Variants in XKR4 observed in about 807,000 individuals in gnomAD.
The protein encoded by XKR4 is XK related 4.
A neutral mutation model predicts 53.9 loss-of-function variants in XKR4; 12 were observed. The ratio of observed to expected loss-of-function variants is 0.22; its 90% CI spans 0.14 to 0.36. The LOEUF (loss-of-function observed/expected upper bound fraction) is 0.36, where lower values mean the gene tolerates loss of function less well. Ranked by LOEUF, XKR4 falls within the 10% of genes least tolerant of loss-of-function variation. XKR4 has a pLI of 1.00. For missense variants in XKR4, 799 were observed against 859.5 expected (o/e 0.93, Z 0.88); for synonymous variants, 354 against 362.4 (o/e 0.98, Z 0.26).
Position 55,259,876 on chromosome 8 carries a change from C to T in XKR4, c.807-97802C>T, listed in dbSNP as rs1426118939. 2.6e-5 allele frequency among the ~76,000 whole-genome samples: 4 copies of T among 152,196 alleles called. No homozygotes were observed. In the East Asian group the frequency reaches 7.7e-4, roughly 29 times the overall value. On this transcript the variant is annotated intron_variant, in intron 1 of 2. Coordinates refer to ENST00000327381, the MANE Select transcript of XKR4 (RefSeq NM_052898.2). ...TCAAATTCACTGAGACCTGCCCTAG[C>T]CGTCCTATCTAAAATTTCCACACCA...
intron 2 of XKR4, among the ~76,000 whole-genome samples, chr8:55,481,335 C>G (rs1022783115): frequency 4.6e-5 from 7 of 151,976 alleles, no homozygotes; most frequent in African/African-American, 1.7e-4. Context: ...GGAAAACTGG[C>G]TAGCCATATG....
intron 1 of XKR4, among the ~76,000 whole-genome samples, chr8:55,351,619 G>A (rs1235600219): frequency 2.0e-4 from 31 of 152,204 alleles, no homozygotes; most frequent in Non-Finnish European, 2.9e-5. Context: ...AGGAAGTGGA[G>A]CATTTATTCA....
At chr8:55,298,278 C>A (rs1460288152) in intron 1 of XKR4, among the ~76,000 whole-genome samples, 1 of 152,102 alleles carries the variant, frequency 6.6e-6, no homozygotes, top group African/African-American at 2.4e-5. Flanking sequence ...ACACACAGAT[C>A]ACCTATAACC....
intron 1 of XKR4, among the ~76,000 whole-genome samples, chr8:55,237,067 C>T (rs969670272): frequency 2.0e-5 from 3 of 152,200 alleles, no homozygotes; most frequent in African/African-American, 7.2e-5. Flanking sequence ...GATTTGAAGT[C>T]GACTTCCACT....
At chr8:55,358,676 G>A (rs541798084) in intron 2 of XKR4, among the ~76,000 whole-genome samples, 1 of 152,332 alleles carries the variant, frequency 6.6e-6, no homozygotes, top group East Asian at 1.9e-4. Flanking sequence ...CATTTTCTAA[G>A]GAAAGCATTT....
intron 1 of XKR4, among the ~76,000 whole-genome samples, chr8:55,341,661 A>G (rs1426680403): frequency 6.6e-6 from 1 of 152,242 alleles, no homozygotes; most frequent in Non-Finnish European, 1.5e-5. Context: ...TGGAAACCTT[A>G]TCTTCAAGTT....
At chr8:55,198,263 T>A (rs1226464318) in intron 1 of XKR4, among the ~76,000 whole-genome samples, 2 of 152,210 alleles carry the variant, frequency 1.3e-5, no homozygotes, top group African/African-American at 4.8e-5. Flanking sequence ...TAATGACTGG[T>A]TGTGACAATG....
At chr8:55,213,460 G>C (rs1433825087) in intron 1 of XKR4, among the ~76,000 whole-genome samples, 1 of 152,094 alleles carries the variant, frequency 6.6e-6, no homozygotes, top group African/African-American at 2.4e-5. Flanking sequence ...CCAATCTTAG[G>C]TTTTACAATA....
intron 2 of XKR4, among the ~76,000 whole-genome samples, chr8:55,443,549 A>C (rs1160004852): frequency 4.7e-5 from 7 of 148,442 alleles, no homozygotes; most frequent in Admixed American, 6.7e-5. Flanking sequence ...AAAAAAAAAA[A>C]AAAAAAACAG....
At chr8:55,423,954 G>A (rs1804973413) in intron 2 of XKR4, among the ~76,000 whole-genome samples, 1 of 152,222 alleles carries the variant, frequency 6.6e-6, no homozygotes, top group Admixed American at 6.5e-5. Flanking sequence ...GTGTTAGTTT[G>A]TGTGGATGGG....
At chr8:55,497,365 TCATAA>T (rs1359181895) in intron 2 of XKR4, among the ~76,000 whole-genome samples, 1 of 152,250 alleles carries the variant, frequency 6.6e-6, no homozygotes, top group African/African-American at 2.4e-5. Context: ...AAATGGGCCA[TCATAA>T]CAGGCAGCTT....
rs761779642 is a variant in XKR4, at chr8:55,112,562, G to GTTTTTTTTTTT, written c.806+9284_806+9294dup. On this transcript the variant is annotated intron_variant, in intron 1 of 2. Transcript: ENST00000327381. ...TGGGGCTGAATTCTTTACTTTTCAG[G>GTTTTTTTTTTT]TTTTTTTTTTTTTTTTTTTTTTTTT... Among the ~76,000 whole-genome samples, 63 of 77,214 alleles carry GTTTTTTTTTTT rather than the reference G, an allele frequency of 8.2e-4. 11 individuals carry two copies. The highest frequency in any genetic ancestry group is 1.4e-3 in the African/African-American group (28 of 19,416). The allele number at this position is 77,214 out of a possible 152,430, so 50.7% of individuals were successfully genotyped here. A position where few individuals can be genotyped will look rare whatever the true frequency, so the allele number is the denominator to read the frequency against.
intron 2 of XKR4, among the ~76,000 whole-genome samples, chr8:55,420,427 A>G (rs1473482698): frequency 6.6e-6 from 1 of 151,180 alleles, no homozygotes; most frequent in Non-Finnish European, 1.5e-5. Context: ...AAAATGTGGC[A>G]CATATACACC....
intron 2 of XKR4, among the ~76,000 whole-genome samples, chr8:55,508,457 C>G (rs1038981984): frequency 6.6e-6 from 1 of 152,164 alleles, no homozygotes; most frequent in South Asian, 2.1e-4. Flanking sequence ...AGATCTCAGT[C>G]CCTACCCTCA....
At chr8:55,456,990 T>C (rs1456301093) in intron 2 of XKR4, among the ~76,000 whole-genome samples, 2 of 147,726 alleles carry the variant, frequency 1.4e-5, no homozygotes, top group African/African-American at 2.5e-5. Context: ...AATCAATGAC[T>C]GAAATAGAAA....
chr8:55,229,982 C>T (rs1381549981), intron 1 of XKR4, among the ~76,000 whole-genome samples: 2 of 152,048 alleles, frequency 1.3e-5, no homozygotes, highest in South Asian at 2.1e-4. Context: ...TCTGCTCCTC[C>T]GTTGCCTGGT....
intron 2 of XKR4, among the ~76,000 whole-genome samples, chr8:55,396,670 A>G (rs1487487056): frequency 6.6e-6 from 1 of 152,110 alleles, no homozygotes; most frequent in African/African-American, 2.4e-5. Flanking sequence ...GGTAAAGCGG[A>G]ACTGGAAATA....
intron 2 of XKR4, among the ~76,000 whole-genome samples, chr8:55,487,569 C>T (rs1410043972): frequency 6.6e-6 from 1 of 151,832 alleles, no homozygotes; most frequent in African/African-American, 2.4e-5. Flanking sequence ...CAGGGTCAAG[C>T]GATTCTCATG....
At chr8:55,473,596 C>T (rs903824347) in intron 2 of XKR4, among the ~76,000 whole-genome samples, 8 of 152,056 alleles carry the variant, frequency 5.3e-5, no homozygotes, top group South Asian at 2.1e-4. Flanking sequence ...TTCCTATTTT[C>T]AAAAAGGAAT....
Sources: gnomAD v4.1 joint callset for allele counts (sites outside exome capture counted in the v4.1 genomes callset) on GRCh38, gnomAD v4.1.1 for gene constraint, MANE v1.5 for transcripts, NCBI Gene and HGNC (gene_info 2026-07-23, HGNC 2026-07-21) for gene names.